The following GAB2 variants were observed in gnomAD, a reference collection of about 807,000 sequenced individuals.
GAB2 encodes GRB2-associated-binding protein 2.
Under a neutral mutation model 65.5 loss-of-function variants are expected in GAB2, and 26 were observed. The observed-to-expected ratio is 0.40, with a 90% CI of 0.29 to 0.55. The LOEUF (loss-of-function observed/expected upper bound fraction) is 0.55, where lower values mean the gene tolerates loss of function less well. Among genes scored for constraint, GAB2 ranks in the 20% least tolerant of loss-of-function variants. The pLI, the probability that GAB2 is intolerant of heterozygous loss-of-function variation, is 0.53. For synonymous variants in GAB2, 321 were observed against 329.6 expected (o/e 0.97, Z 0.28); for missense variants, 884 against 875.8 (o/e 1.01, Z -0.12).
intron 2 of GAB2, among the ~76,000 whole-genome samples, chr11:78,264,398 TTC>T (rs1310633437): frequency 2.9e-5 from 4 of 138,470 alleles, no homozygotes; most frequent in African/African-American, 8.8e-5. Context: ...TTTTAAAAAT[TTC>T]TTTTTCTTTT....
At chr11:78,222,878 A>G (rs552519618) in intron 6 of GAB2, among the ~76,000 whole-genome samples, 45 of 152,338 alleles carry the variant, frequency 3.0e-4, no homozygotes, top group Non-Finnish European at 4.6e-4. Context: ...GGCGTGAGCC[A>G]TGGCGCCCAG....
chr11:78,268,853 G>A (rs552698539), intron 2 of GAB2, among the ~76,000 whole-genome samples: 3 of 152,044 alleles, frequency 2.0e-5, no homozygotes, highest in African/African-American at 7.2e-5. Context: ...CCTGAAGTTG[G>A]TCAAGGTTGG....
intron 3 of GAB2, among the ~76,000 whole-genome samples, chr11:78,237,703 A>G (rs1481043626): frequency 6.8e-6 from 1 of 146,572 alleles, no homozygotes; most frequent in African/African-American, 2.8e-5. Context: ...AAAGGATTGG[A>G]AAAAAAAGAT....
intron 1 of GAB2, among the ~76,000 whole-genome samples, chr11:78,294,047 C>T (rs892538881): frequency 2.0e-5 from 3 of 152,076 alleles, no homozygotes; most frequent in Non-Finnish European, 2.9e-5. Flanking sequence ...AGGTATCTCT[C>T]CTAATGCTAT....
Position 78,226,727 on chromosome 11 carries a change from A to T in GAB2, c.945T>A (p.Asp315Glu). 6.2e-7 allele frequency: 1 copy of T among 1,614,052 alleles called. No homozygotes were observed. The highest frequency in any genetic ancestry group is 8.5e-7 in the Non-Finnish European group (1 of 1,179,984). ...AGGCTGAGAGTGGGGTGGCCGGAAC[A>T]TCCATATTGTCTACCAGGAGGTCCC... ...EFGDLLVDNM[D>E]VPATPLSAYQ... Residue 315 changes from aspartate to glutamate, a missense_variant, in exon 4 of 10, where the codon GAT (aspartate) becomes GAA (glutamate). Coordinates refer to ENST00000361507, the MANE Select transcript of GAB2 (RefSeq NM_080491.3).
intron 1 of GAB2, among the ~76,000 whole-genome samples, chr11:78,291,218 C>T (rs1046110745): frequency 1.4e-5 from 2 of 148,050 alleles, no homozygotes; most frequent in African/African-American, 5.0e-5. Flanking sequence ...TTTGAGAGGC[C>T]GAGGCAGGCA....
In GAB2 at chr11:78,277,471, A is replaced by G. The variant is rs1031465329; in HGVS notation, c.376+3130T>C. On this transcript the variant is annotated intron_variant, in intron 2 of 9. Transcript: ENST00000361507. The stretch of plus-strand genomic sequence containing the variant: ...GGTGCTGGGGAAAGACGGTCTCCCA[A>G]TCGATAGAAAACACCTGAAACTGGT... Among the ~76,000 whole-genome samples, 12 of 152,298 alleles carry G rather than the reference A, an allele frequency of 7.9e-5. 1 individual carries two copies. The highest frequency in any genetic ancestry group is 4.1e-4 in the South Asian group (2 of 4,830).
chr11:78,289,776 AG>A (rs1866600730), intron 1 of GAB2, among the ~76,000 whole-genome samples: 1 of 139,936 alleles, frequency 7.1e-6, no homozygotes, highest in East Asian at 2.4e-4. Context: ...TGAGGAAGGT[AG>A]GGTTTGATAT....
chr11:78,240,053 C>T (rs1865085492), intron 3 of GAB2, among the ~76,000 whole-genome samples: 1 of 151,990 alleles, frequency 6.6e-6, no homozygotes, highest in African/African-American at 2.4e-5. Context: ...ATCCACCTGC[C>T]CCTCTCCCCA....
intron 2 of GAB2, among the ~76,000 whole-genome samples, chr11:78,252,219 C>G (rs1400791259): frequency 6.6e-6 from 1 of 152,222 alleles, no homozygotes; most frequent in African/African-American, 2.4e-5. Flanking sequence ...ATTTCTGCTG[C>G]TGGGCAGGAC....
chr11:78,223,285 G>A, intron 6 of GAB2, 127 bp downstream of exon 6: 2 of 704,460 alleles, frequency 2.8e-6, no homozygotes, highest in African/African-American at 1.8e-5. Context: ...AGAAAACTGA[G>A]ACTCAGATTT....
chr11:78,346,719 ATAATTT>A (rs1291948718), intron 1 of GAB2, among the ~76,000 whole-genome samples: 1 of 36,626 alleles, frequency 2.7e-5, no homozygotes, highest in African/African-American at 1.0e-4. Flanking sequence ...ATATATATAT[ATAATTT>A]TTTTTTTTTT....
At chr11:78,416,418 C>A (rs541129153) in intron 1 of GAB2, among the ~76,000 whole-genome samples, 1 of 152,228 alleles carries the variant, frequency 6.6e-6, no homozygotes, top group African/African-American at 2.4e-5. Flanking sequence ...TGATTCTGAT[C>A]TGGGGAGCCA....
chr11:78,263,315 G>A (rs1865784006), intron 2 of GAB2, among the ~76,000 whole-genome samples: 1 of 152,088 alleles, frequency 6.6e-6, no homozygotes, highest in African/African-American at 2.4e-5. Context: ...TGTGCTAGTT[G>A]TTGGTCAGCA....
chr11:78,412,522 C>A (rs542400962), intron 1 of GAB2, among the ~76,000 whole-genome samples: 1 of 152,098 alleles, frequency 6.6e-6, no homozygotes, highest in African/African-American at 2.4e-5. Context: ...GTAGTGAATA[C>A]GATTATAAAA....
chr11:78,329,674 C>A (rs1222113822), intron 1 of GAB2, among the ~76,000 whole-genome samples: 1 of 152,206 alleles, frequency 6.6e-6, no homozygotes, highest in Non-Finnish European at 1.5e-5. Flanking sequence ...AGATTTCCCA[C>A]AGAAAAGCAT....
chr11:78,301,330 G>GTT (rs373415325), intron 1 of GAB2, among the ~76,000 whole-genome samples: 10,952 of 145,220 alleles, frequency 0.075, 1,401 homozygotes, highest in African/African-American at 0.25. Flanking sequence ...GTATCTTGTG[G>GTT]TTTTTTGTTT....
rs765656562 is a variant in GAB2, at chr11:78,221,674, C to T, written c.1761+3G>A. The T allele has an allele frequency of 3.1e-6, 5 of 1,595,972 alleles. No individual in the cohort carries two copies. Among genetic ancestry groups the T allele is most frequent in the South Asian group, 2.2e-5 (2 of 90,404 alleles). On this transcript the variant is annotated splice_donor_region_variant and intron_variant, in intron 8 of 9. Transcript: ENST00000361507. ...TCATTCCAGCGAAGCCCGAAGGACTCACCATAGGGACATAGTTCTCTTCGC... is the reference window on the plus strand; with the variant it reads ...TCATTCCAGCGAAGCCCGAAGGACTTACCATAGGGACATAGTTCTCTTCGC...
At chr11:78,228,476 C>T (rs951342808) in intron 3 of GAB2, among the ~76,000 whole-genome samples, 1 of 152,146 alleles carries the variant, frequency 6.6e-6, no homozygotes, top group African/African-American at 2.4e-5. Context: ...GGCTGTAATA[C>T]ATAATAGCCC....
Sources: gnomAD v4.1 joint callset for allele counts (sites outside exome capture counted in the v4.1 genomes callset) on GRCh38, gnomAD v4.1.1 for gene constraint, MANE v1.5 for transcripts, NCBI Gene and HGNC (gene_info 2026-07-23, HGNC 2026-07-21) for gene names.